The following CNTNAP2 variants were observed in gnomAD, a reference collection of about 807,000 sequenced individuals.
CNTNAP2 encodes contactin associated protein 2, also known as contactin-associated protein-like 2.
Under a neutral mutation model 155.2 loss-of-function variants are expected in CNTNAP2, and 98 were observed. That is an observed-to-expected ratio of 0.63 (90% CI 0.54 to 0.75). The LOEUF is 0.75. Ranked by LOEUF, CNTNAP2 falls within the 30% of genes least tolerant of loss-of-function variation. The pLI is 0.00. For missense variants in CNTNAP2, 1,727 were observed against 1,688.1 expected, an observed-to-expected ratio of 1.02 and a Z score of -0.40; for synonymous variants, 651 against 631.2, an observed-to-expected ratio of 1.03 and a Z score of -0.47.
At chr7:146,191,766 G>A (rs188473129) in intron 1 of CNTNAP2, among the ~76,000 whole-genome samples, 5 of 152,178 alleles carry the variant, frequency 3.3e-5, no homozygotes, top group Admixed American at 6.5e-5. Context: ...TGTTCTGCCC[G>A]GCTCTCAGGC....
intron 1 of CNTNAP2, among the ~76,000 whole-genome samples, chr7:146,748,022 A>G (rs2129182042): frequency 6.6e-6 from 1 of 151,898 alleles, no homozygotes; most frequent in Non-Finnish European, 1.5e-5. Flanking sequence ...TTTTTTTAAA[A>G]ATTTTTATTT....
At chr7:148,206,758 C>T (rs6464856) in intron 18 of CNTNAP2, among the ~76,000 whole-genome samples, 146,930 of 152,320 alleles carry the variant, frequency 0.96, 71,115 homozygotes, top group East Asian at 1. Flanking sequence ...GTTGGGAAGC[C>T]TGGAGGCCTG....
At chr7:146,465,938 T>C (rs1796711787) in intron 1 of CNTNAP2, among the ~76,000 whole-genome samples, 1 of 152,146 alleles carries the variant, frequency 6.6e-6, no homozygotes, top group Non-Finnish European at 1.5e-5. Context: ...TTTTCTTTGC[T>C]CTTTTGTTGA....
Position 148,239,390 on chromosome 7 carries a change from T to C in CNTNAP2, c.3381+9611T>C, listed in dbSNP as rs73474283. The stretch of plus-strand genomic sequence containing the variant: ...ATGGTTTGAGTCTATTGAACTGATA[T>C]AGAAGATCTATGGGAAGAGAAGAGA... On this transcript the variant is annotated intron_variant, in intron 20 of 23. Transcript: ENST00000361727. 4.4e-3 allele frequency among the ~76,000 whole-genome samples: 675 copies of C among 152,344 alleles called. 4 individuals carry two copies. Among genetic ancestry groups the C allele is most frequent in the African/African-American group, 0.016 (650 of 41,572 alleles).
At chr7:148,320,636 C>T (rs1971564) in intron 21 of CNTNAP2, among the ~76,000 whole-genome samples, 112,427 of 151,728 alleles carry the variant, frequency 0.74, 41,809 homozygotes, top group East Asian at 0.87. Context: ...CGCCCGCCTC[C>T]GCCTTCCAAA....
At chr7:146,759,715 G>A (rs1802057494) in intron 1 of CNTNAP2, among the ~76,000 whole-genome samples, 1 of 140,758 alleles carries the variant, frequency 7.1e-6, no homozygotes, top group Admixed American at 7.0e-5. Flanking sequence ...AAAAAAAGGT[G>A]GGTGGGGTGG....
chr7:146,150,744 TTGA>T (rs1798024758), intron 1 of CNTNAP2, among the ~76,000 whole-genome samples: 1 of 152,072 alleles, frequency 6.6e-6, no homozygotes, highest in African/African-American at 2.4e-5. Context: ...ATTTTTTGAA[TTGA>T]TGAATGAAAA....
chr7:147,848,949 A>G (rs189627561), intron 13 of CNTNAP2, among the ~76,000 whole-genome samples: 65 of 152,236 alleles, frequency 4.3e-4, no homozygotes, highest in Middle Eastern at 3.4e-3. Flanking sequence ...AAGCCTTAAC[A>G]TCTCCATATT....
At chr7:148,223,702 ATAAATT>A (rs1449023253) in intron 19 of CNTNAP2, among the ~76,000 whole-genome samples, 2 of 152,260 alleles carry the variant, frequency 1.3e-5, no homozygotes, top group Non-Finnish European at 2.9e-5. Context: ...GTCACTATAT[ATAAATT>A]TAAAGTTCCA....
intron 3 of CNTNAP2, among the ~76,000 whole-genome samples, chr7:146,960,534 C>T (rs1222169716): frequency 6.6e-6 from 1 of 152,124 alleles, no homozygotes; most frequent in African/African-American, 2.4e-5. Context: ...ATTACTCTTT[C>T]TCCTGCAGTT....
intron 1 of CNTNAP2, among the ~76,000 whole-genome samples, chr7:146,745,218 C>T (rs1801788779): frequency 6.6e-6 from 1 of 152,134 alleles, no homozygotes; most frequent in Non-Finnish European, 1.5e-5. Context: ...TAAGTTTTTT[C>T]ACTTTATTTA....
chr7:146,258,111 C>T (rs1385408304), intron 1 of CNTNAP2, among the ~76,000 whole-genome samples: 2 of 152,102 alleles, frequency 1.3e-5, no homozygotes, highest in Non-Finnish European at 2.9e-5. Flanking sequence ...ATGCTGATCT[C>T]GAACTCCTGA....
chr7:147,398,773 T>C (rs536627915), intron 10 of CNTNAP2, among the ~76,000 whole-genome samples: 2 of 148,178 alleles, frequency 1.3e-5, no homozygotes, highest in Non-Finnish European at 3.0e-5. Flanking sequence ...GCACTTGGAA[T>C]AAATCCTTGA....
intron 1 of CNTNAP2, among the ~76,000 whole-genome samples, chr7:146,686,142 T>A (rs959942497): frequency 1.3e-5 from 2 of 151,892 alleles, no homozygotes; most frequent in African/African-American, 4.8e-5. Context: ...ACAAAATAAT[T>A]TTTTAAAAAA....
chr7:147,094,696 T>C (rs1044896754), intron 4 of CNTNAP2, among the ~76,000 whole-genome samples: 1 of 152,064 alleles, frequency 6.6e-6, no homozygotes, highest in South Asian at 2.1e-4. Flanking sequence ...ATTATTTTTT[T>C]AAAGCATGAA....
intron 13 of CNTNAP2, among the ~76,000 whole-genome samples, chr7:147,747,150 G>T (rs1797057704): frequency 6.6e-6 from 1 of 152,170 alleles, no homozygotes; most frequent in African/African-American, 2.4e-5. Context: ...ATCTATGTCA[G>T]AAATACAAAG....
At chr7:147,896,792 C>A (rs183422786) in intron 13 of CNTNAP2, among the ~76,000 whole-genome samples, 4 of 152,220 alleles carry the variant, frequency 2.6e-5, no homozygotes, top group African/African-American at 9.6e-5. Context: ...TAATGTTAGT[C>A]CTACAAAGGC....
intron 1 of CNTNAP2, among the ~76,000 whole-genome samples, chr7:146,699,371 G>C (rs1481565156): frequency 6.6e-6 from 1 of 152,120 alleles, no homozygotes; most frequent in East Asian, 1.9e-4. Flanking sequence ...GAGACATGAA[G>C]GCTTTTCACT....
chr7:147,102,282 G>GAAA (rs555981471), intron 4 of CNTNAP2, among the ~76,000 whole-genome samples: 10 of 110,608 alleles, frequency 9.0e-5, no homozygotes, highest in African/African-American at 2.8e-4. Context: ...TAGGCAAAAA[G>GAAA]AAAAAAAAAA....
Sources: allele counts gnomAD v4.1 joint callset (sites outside exome capture counted in the v4.1 genomes callset), GRCh38; gene constraint gnomAD v4.1.1; transcripts MANE v1.5; gene names NCBI Gene and HGNC (gene_info 2026-07-23, HGNC 2026-07-21).